Variants in NUP210 observed in about 807,000 individuals in gnomAD.
NUP210 encodes the protein nucleoporin 210, also known as nuclear pore membrane glycoprotein 210.
In NUP210, 151 loss-of-function variants were observed where a neutral mutation model predicts 196.0. The observed-to-expected ratio is 0.77, with a 90% CI of 0.67 to 0.88. The LOEUF (loss-of-function observed/expected upper bound fraction) is 0.88, where lower values mean the gene tolerates loss of function less well. Among genes scored for constraint, NUP210 ranks in the 40% least tolerant of loss-of-function variants. The probability of loss-of-function intolerance (pLI) is 0.00; values close to 1 mark genes in which losing one functional copy is unlikely to be tolerated. For synonymous variants in NUP210, 1,070 were observed against 1,052.7 expected (o/e 1.02, Z -0.32); for missense variants, 2,314 against 2,493.7 (o/e 0.93, Z 1.53).
chr3:13,365,729 T>G (rs1698508145), intron 14 of NUP210, among the ~76,000 whole-genome samples: 1 of 152,242 alleles, frequency 6.6e-6, no homozygotes, highest in Non-Finnish European at 1.5e-5. Flanking sequence ...CTGTCTCGCG[T>G]AACCACAGAG....
At chr3:13,325,645 G>A in intron 33 of NUP210, 150 bp downstream of exon 33, 1 of 827,174 alleles carries the variant, frequency 1.2e-6, no homozygotes, top group Non-Finnish European at 1.9e-6. Flanking sequence ...GTCAGAGTCA[G>A]CAAGTGGCCA....
intron 3 of NUP210, among the ~76,000 whole-genome samples, chr3:13,395,221 C>T (rs188250053): frequency 2.2e-4 from 33 of 152,292 alleles, no homozygotes; most frequent in Non-Finnish European, 4.0e-4. Context: ...CCACCACCTA[C>T]CTGGGGAGAA....
intron 3 of NUP210, among the ~76,000 whole-genome samples, chr3:13,397,101 C>T (rs1559344950): frequency 6.6e-6 from 1 of 152,142 alleles, no homozygotes; most frequent in East Asian, 1.9e-4. Flanking sequence ...GCACACAGGC[C>T]CCACTGCAGG....
At position 13,325,454 on chromosome 3, in the gene NUP210, CA is replaced by C. The variant is rs1256949937; in HGVS notation, c.4644+340del. ...CTCCAGACTCAAAGGGTGACTTGCA[CA>C]GGGAGTCTTAGCCTTGCAGGTGACA... On this transcript the variant is annotated intron_variant, in intron 33 of 39. Transcript: ENST00000254508. 2.6e-5 allele frequency among the ~76,000 whole-genome samples: 4 copies of C among 152,162 alleles called. No homozygotes were observed. In the East Asian group the frequency reaches 7.7e-4, roughly 29 times the overall value.
At chr3:13,344,411 T>A (rs1200854448) in intron 20 of NUP210, among the ~76,000 whole-genome samples, 1 of 152,220 alleles carries the variant, frequency 6.6e-6, no homozygotes, top group East Asian at 1.9e-4. Flanking sequence ...CACTCCTCTA[T>A]CTGGGCCTGG....
intron 20 of NUP210, among the ~76,000 whole-genome samples, chr3:13,345,969 A>G (rs887652980): frequency 2.0e-5 from 3 of 152,246 alleles, no homozygotes; most frequent in Admixed American, 1.3e-4. Context: ...GAAATTCCAT[A>G]GTGCACCGAC....
chr3:13,341,837 G>C lies in NUP210; in HGVS notation c.3139C>G (p.Arg1047Gly). ...LDNYTITFLI[R>G]GVAIGQTSLT... ...CTGGTCTGGCCGATGGCCACACCGC[G>C]GATGAGGAATGTGATGGTGTAGTTG... is the stretch of plus-strand genomic sequence containing the variant. Residue 1047 changes from arginine (R) to glycine (G), a missense_variant, in exon 23 of 40, where the codon CGC becomes GGC. Arg to Gly is a moderately radical substitution (Grantham distance 125, BLOSUM62 -2). Coordinates refer to ENST00000254508, the MANE Select transcript of NUP210 (RefSeq NM_024923.4). 1 of 1,614,186 alleles carries C rather than the reference G, an allele frequency of 6.2e-7. No homozygotes were observed. The highest frequency in any genetic ancestry group is 8.5e-7 in the Non-Finnish European group (1 of 1,180,028).
rs759011653 is a variant in NUP210 at position 13,327,411 on chromosome 3, C to A, written c.4313G>T (p.Gly1438Val). The change falls in exon 32 of 40, where the codon GGC becomes GTC. Residue 1438 changes from glycine (G) to valine (V), a missense_variant. By Grantham distance (109) the Gly-to-Val change is moderately radical. Coordinates refer to ENST00000254508, the MANE Select transcript of NUP210 (RefSeq NM_024923.4). The part of the protein sequence containing the change: ...NRDDFVQIGK[G>V]PTNNTCVVRT... Reference sequence around the variant, plus strand: ...GACAACGCAGGTGTTGTTGGTGGGGCCCTTCCCGATCTGCACAAAGTCGTC... The same window carrying A: ...GACAACGCAGGTGTTGTTGGTGGGGACCTTCCCGATCTGCACAAAGTCGTC... 2.5e-6 allele frequency: 4 copies of A among 1,612,434 alleles called. No individual in the cohort carries two copies. In the African/African-American group the frequency reaches 4.0e-5, roughly 16 times the overall value.
Position 13,319,929 on chromosome 3 carries a change from A to G in NUP210, c.5217T>C (p.Phe1739=). The change falls in exon 37 of 40, where the codon TTT becomes TTC. Residue 1739 remains phenylalanine, a synonymous_variant. Transcript: ENST00000254508. ...TGTATGTGATGAAGCTGGGCCACCCAAAAGACTTCTCCTTTGCGAATGCCA... is the reference window on the plus strand; with the variant it reads ...TGTATGTGATGAAGCTGGGCCACCCGAAAGACTTCTCCTTTGCGAATGCCA... ...AVLAFAKEKS[F]GWPSFITYTV... 2 of 1,614,202 alleles carry G rather than the reference A, an allele frequency of 1.2e-6. No individual in the cohort carries two copies. Among genetic ancestry groups the G allele is most frequent in the Non-Finnish European group, 1.7e-6 (2 of 1,180,042 alleles).
At chr3:13,408,956 G>C (rs1003557596) in intron 1 of NUP210, among the ~76,000 whole-genome samples, 1 of 152,164 alleles carries the variant, frequency 6.6e-6, no homozygotes, top group African/African-American at 2.4e-5. Flanking sequence ...CTGAGACTGA[G>C]CTCTGGTGCT....
At chr3:13,329,755 A>C (rs78552447) in intron 30 of NUP210, among the ~76,000 whole-genome samples, 4,745 of 152,344 alleles carry the variant, frequency 0.031, 112 homozygotes, top group East Asian at 0.074. Flanking sequence ...ACATGGAAAG[A>C]AAATTCCATT....
chr3:13,340,061 C>T lies in NUP210; in HGVS notation c.3292-28G>A. Reference sequence around the variant, plus strand: ...GAGCGGGGAGGAAACAGCGGCGTGTCAGTGCCCGTCATGCCAGGCAGCCCG... The same window carrying T: ...GAGCGGGGAGGAAACAGCGGCGTGTTAGTGCCCGTCATGCCAGGCAGCCCG... On this transcript the variant is annotated intron_variant, in intron 24 of 39. Transcript: ENST00000254508. The surrounding 1 kb of genome is among the most constrained non-coding windows in gnomAD (Gnocchi z 4.0). 3 of 1,608,426 alleles carry T rather than the reference C, an allele frequency of 1.9e-6. No individual in the cohort carries two copies. The highest frequency in any genetic ancestry group is 2.6e-6 in the Non-Finnish European group (3 of 1,176,106).
At chr3:13,412,108 G>C (rs563374780) in intron 1 of NUP210, among the ~76,000 whole-genome samples, 1 of 151,826 alleles carries the variant, frequency 6.6e-6, no homozygotes, top group South Asian at 2.1e-4. Flanking sequence ...GGCTGGAGTA[G>C]AGTGGTACAA....
rs893036370 is a variant in NUP210, at chr3:13,326,048, C to G, written c.4508-117G>C. 3.5e-5 allele frequency: 47 copies of G among 1,337,054 alleles called. No homozygotes were observed. In the African/African-American group the frequency reaches 6.2e-4, roughly 18 times the overall value. The allele number at this position is 1,337,054 out of a possible 1,614,324, so 82.8% of individuals were successfully genotyped here. On this transcript the variant is annotated intron_variant, in intron 32 of 39. Coordinates refer to ENST00000254508, the MANE Select transcript of NUP210 (RefSeq NM_024923.4). ...CTGGCTGCCGCTACCCCCATGGGGGCTCACTCAGCAGCCTCAGGAGACAGC... is the reference window on the plus strand; with the variant it reads ...CTGGCTGCCGCTACCCCCATGGGGGGTCACTCAGCAGCCTCAGGAGACAGC...
intron 18 of NUP210, among the ~76,000 whole-genome samples, chr3:13,352,609 C>A (rs555833637): frequency 2.0e-5 from 3 of 152,350 alleles, no homozygotes; most frequent in Admixed American, 2.0e-4. Flanking sequence ...CAGCCCTCAT[C>A]CCCTAGGGTG....
At chr3:13,414,902 C>T (rs1700296174) in intron 1 of NUP210, among the ~76,000 whole-genome samples, 1 of 152,238 alleles carries the variant, frequency 6.6e-6, no homozygotes, top group Non-Finnish European at 1.5e-5. Context: ...TGCTGCTTCA[C>T]TGTCACATCC....
In NUP210 at chr3:13,317,568, G is replaced by T. The variant is rs1696318402; in HGVS notation, c.*113C>A. ...GAGACGGCAGTGAAGCTGGCCTGGG[G>T]CCGGGGCACTCATCTGGAGGGGCTT... is the stretch of plus-strand genomic sequence containing the variant. On this transcript the variant is annotated 3_prime_UTR_variant, in exon 40 of 40. Coordinates refer to ENST00000254508, the MANE Select transcript of NUP210 (RefSeq NM_024923.4). 2.5e-6 allele frequency: 2 copies of T among 787,568 alleles called. No individual in the cohort carries two copies. Among genetic ancestry groups the T allele is most frequent in the Admixed American group, 4.1e-5 (2 of 49,354 alleles). 48.8% of individuals were successfully genotyped at this position (787,568 alleles called of 1,614,324 possible).
At chr3:13,368,390 TA>T (rs977262376) in intron 13 of NUP210, among the ~76,000 whole-genome samples, 4 of 152,076 alleles carry the variant, frequency 2.6e-5, no homozygotes, top group African/African-American at 7.2e-5. Flanking sequence ...AATTTTATCT[TA>T]AAAAAAAGTT....
At position 13,354,538 on chromosome 3, in the gene NUP210, C is replaced by A. The variant is rs1698101934; in HGVS notation, c.2329-431G>T. ...TGGGAACCACCATCCTGACCTACTACTGTGGGCAGGCTGCTCTCCTTCCCC... is the reference window on the plus strand; with the variant it reads ...TGGGAACCACCATCCTGACCTACTAATGTGGGCAGGCTGCTCTCCTTCCCC... On this transcript the variant is annotated intron_variant, in intron 16 of 39. Coordinates refer to ENST00000254508, the MANE Select transcript of NUP210 (RefSeq NM_024923.4). 3 of 163,840 alleles carry A rather than the reference C, an allele frequency of 1.8e-5. No individual in the cohort carries two copies. In the South Asian group the frequency reaches 5.1e-4, roughly 28 times the overall value. 10.1% of individuals were successfully genotyped at this position (163,840 alleles called of 1,614,324 possible). A position where few individuals can be genotyped will look rare whatever the true frequency, so the allele number is the denominator to read the frequency against.
Sources: gnomAD v4.1 joint callset for allele counts (sites outside exome capture counted in the v4.1 genomes callset) on GRCh38, gnomAD v4.1.1 for gene constraint, Gnocchi (gnomAD v3.1) non-coding constraint, MANE v1.5 for transcripts, NCBI Gene and HGNC (gene_info 2026-07-23, HGNC 2026-07-21) for gene names.